Variants in SYNPR observed in about 807,000 individuals in gnomAD.
SYNPR encodes the protein synaptoporin.
Under a neutral mutation model 32.9 loss-of-function variants are expected in SYNPR, and 23 were observed. The ratio of observed to expected loss-of-function variants is 0.70; its 90% CI spans 0.50 to 0.99. The LOEUF (loss-of-function observed/expected upper bound fraction) is 0.99. Ranked by LOEUF, SYNPR falls within the 50% of genes least tolerant of loss-of-function variation. The probability of loss-of-function intolerance (pLI) is 0.00; values close to 1 mark genes in which losing one functional copy is unlikely to be tolerated. For missense variants in SYNPR, 318 were observed against 349.3 expected, an observed-to-expected ratio of 0.91 and a Z score of 0.71; for synonymous variants, 146 against 135.9, an observed-to-expected ratio of 1.07 and a Z score of -0.52.
intron 4 of SYNPR, among the ~76,000 whole-genome samples, chr3:63,578,534 C>A (rs545995916): frequency 7.2e-5 from 11 of 152,132 alleles, no homozygotes; most frequent in Non-Finnish European, 1.6e-4. Context: ...AGAGTGGAAG[C>A]TATGACTTCA....
At chr3:63,514,389 G>A (rs1332163428) in intron 3 of SYNPR, among the ~76,000 whole-genome samples, 1 of 152,194 alleles carries the variant, frequency 6.6e-6, no homozygotes, top group East Asian at 1.9e-4. Context: ...GAACATCATG[G>A]AAAATGGAAC....
At chr3:63,597,408 G>A (rs1033689664) in intron 4 of SYNPR, among the ~76,000 whole-genome samples, 1 of 152,142 alleles carries the variant, frequency 6.6e-6, no homozygotes, top group Non-Finnish European at 1.5e-5. Context: ...CTTACTTGAA[G>A]GATCTGAGCC....
intron 2 of SYNPR, chr3:63,426,755 GGC>G (rs1699899417): frequency 6.6e-6 from 1 of 151,978 alleles, no homozygotes; most frequent in Non-Finnish European, 1.5e-5. Flanking sequence ...AGTTGCTTTT[GGC>G]ATCCAGTCCA....
intron 2 of SYNPR, among the ~76,000 whole-genome samples, chr3:63,281,977 G>A (rs1321464848): frequency 6.6e-6 from 1 of 152,184 alleles, no homozygotes; most frequent in African/African-American, 2.4e-5. Flanking sequence ...GAGCCCAGGA[G>A]TTCAAGACCA....
At chr3:63,524,770 A>AT (rs910747705) in intron 3 of SYNPR, among the ~76,000 whole-genome samples, 6 of 151,318 alleles carry the variant, frequency 4.0e-5, no homozygotes, top group Non-Finnish European at 7.4e-5. Context: ...ATGCTATGCT[A>AT]TTTTTTACTC....
chr3:63,432,695 T>C (rs1700015125), intron 2 of SYNPR, among the ~76,000 whole-genome samples: 1 of 151,994 alleles, frequency 6.6e-6, no homozygotes, highest in Non-Finnish European at 1.5e-5. Context: ...TCCTGAGGCC[T>C]CACTGATCTT....
chr3:63,262,358 A>G (rs2086446365), intron 2 of SYNPR, among the ~76,000 whole-genome samples: 1 of 152,342 alleles, frequency 6.6e-6, no homozygotes. Flanking sequence ...AGAGACAAAA[A>G]GAATCATTGC....
intron 1 of SYNPR, among the ~76,000 whole-genome samples, chr3:63,236,442 T>C (rs1398370001): frequency 6.6e-6 from 1 of 152,150 alleles, no homozygotes; most frequent in Non-Finnish European, 1.5e-5. Context: ...GAGACTGTGT[T>C]AAGCCTATAG....
intron 2 of SYNPR, among the ~76,000 whole-genome samples, chr3:63,432,915 G>T (rs1021149300): frequency 6.6e-6 from 1 of 152,190 alleles, no homozygotes; most frequent in Non-Finnish European, 1.5e-5. Context: ...GGAGCTGGGG[G>T]AGTTGGTAAT....
chr3:63,511,807 C>T (rs1701704594), intron 3 of SYNPR, among the ~76,000 whole-genome samples: 1 of 152,126 alleles, frequency 6.6e-6, no homozygotes, highest in East Asian at 1.9e-4. Flanking sequence ...GTTTCTGCTG[C>T]TTTAATTAGA....
At chr3:63,596,604 T>A (rs1699963413) in intron 4 of SYNPR, among the ~76,000 whole-genome samples, 1 of 152,064 alleles carries the variant, frequency 6.6e-6, no homozygotes, top group Non-Finnish European at 1.5e-5. Context: ...CACACTGATT[T>A]GCTTTCAGAC....
At chr3:63,319,946 T>A (rs559767165) in intron 2 of SYNPR, among the ~76,000 whole-genome samples, 7 of 152,138 alleles carry the variant, frequency 4.6e-5, no homozygotes, top group Non-Finnish European at 1.0e-4. Context: ...TAGATATGTA[T>A]CTATTTTCTT....
At chr3:63,560,766 TCTCATGAGAACTCA>T (rs1295869342) in intron 4 of SYNPR, among the ~76,000 whole-genome samples, 2 of 152,038 alleles carry the variant, frequency 1.3e-5, no homozygotes, top group Non-Finnish European at 2.9e-5. Flanking sequence ...AACCGTCAGA[TCTCATGAGAACTCA>T]CTCACTATCA....
chr3:63,584,222 T>C (rs1703143118), intron 4 of SYNPR, among the ~76,000 whole-genome samples: 1 of 152,060 alleles, frequency 6.6e-6, no homozygotes, highest in Non-Finnish European at 1.5e-5. Context: ...GCATTGATAA[T>C]GGAAGAGCCT....
intron 3 of SYNPR, among the ~76,000 whole-genome samples, chr3:63,493,815 C>CAAAAAA (rs3083190): frequency 0.031 from 2,357 of 74,938 alleles, 103 homozygotes; most frequent in African/African-American, 0.042. Context: ...GACTCTGTCT[C>CAAAAAA]AAAAAAAAAA....
chr3:63,521,604 C>A lies in SYNPR; in HGVS notation c.210-34939C>A, dbSNP rs1206181081. ...CACAAGGCCAGGCTCCTAGTCACTA[C>A]GTTGGAGTATTTTCTTGGATCCCTC... On this transcript the variant is annotated intron_variant, in intron 3 of 5. Transcript: ENST00000478300. 2.6e-5 allele frequency among the ~76,000 whole-genome samples: 4 copies of A among 152,146 alleles called. No homozygotes were observed. The East Asian group carries it at 5.8e-4, about 22-fold the overall frequency.
chr3:63,339,043 C>T (rs1444186590), intron 2 of SYNPR, among the ~76,000 whole-genome samples: 1 of 152,160 alleles, frequency 6.6e-6, no homozygotes, highest in African/African-American at 2.4e-5. Flanking sequence ...CTTGTGAATT[C>T]CTTGGAGATG....
At chr3:63,265,015 C>G (rs1303834220) in intron 2 of SYNPR, among the ~76,000 whole-genome samples, 2 of 152,050 alleles carry the variant, frequency 1.3e-5, no homozygotes, top group Non-Finnish European at 2.9e-5. Context: ...GGTGGGGACA[C>G]AGCCGAACCA....
At chr3:63,348,926 AATT>A (rs1373251772) in intron 2 of SYNPR, among the ~76,000 whole-genome samples, 1 of 152,042 alleles carries the variant, frequency 6.6e-6, no homozygotes, top group Non-Finnish European at 1.5e-5. Flanking sequence ...ATTGTAGTAT[AATT>A]TGAGGTCAGC....
Sources: gnomAD v4.1 joint callset for allele counts (sites outside exome capture counted in the v4.1 genomes callset) on GRCh38, gnomAD v4.1.1 for gene constraint, MANE v1.5 for transcripts, NCBI Gene and HGNC (gene_info 2026-07-23, HGNC 2026-07-21) for gene names.